KCNIP4: variants seen among roughly 807,000 people sequenced by gnomAD.
KCNIP4 encodes Kv channel-interacting protein 4.
KCNIP4 carries 12 observed loss-of-function variants against 34.0 expected under a neutral mutation model. That is an observed-to-expected ratio of 0.35 (90% confidence interval 0.23 to 0.57). The LOEUF is 0.57. Among genes scored for constraint, KCNIP4 ranks in the 20% least tolerant of loss-of-function variants. KCNIP4 has a pLI of 0.83. For synonymous variants in KCNIP4, 124 were observed against 102.2 expected, an observed-to-expected ratio of 1.21 and a Z score of -1.29; for missense variants, 238 against 311.7, an observed-to-expected ratio of 0.76 and a Z score of 1.78.
intron 1 of KCNIP4, among the ~76,000 whole-genome samples, chr4:20,981,080 G>A: frequency 6.6e-6 from 1 of 152,128 alleles, no homozygotes; most frequent in East Asian, 1.9e-4. Context: ...AAATAAACAG[G>A]CAGCAGGCCT....
Position 21,528,866 on chromosome 4 carries a change from AG to A in KCNIP4, c.61+419704del, listed in dbSNP as rs1560490747. Reference sequence around the variant, plus strand: ...AAGGAAGGAAGGAAGGAAGGAAGGAAGGAAGGGAAATTCAATTTTGGGGGTT... The same window carrying A: ...AAGGAAGGAAGGAAGGAAGGAAGGAAGAAGGGAAATTCAATTTTGGGGGTT... On this transcript the variant is annotated intron_variant, in intron 1 of 8. Coordinates refer to ENST00000382152, the MANE Select transcript of KCNIP4 (RefSeq NM_025221.6). Among the ~76,000 whole-genome samples the A allele has an allele frequency of 6.0e-5, 9 of 149,780 alleles. 1 individual carries two copies. Among genetic ancestry groups the A allele is most frequent in the African/African-American group, 9.8e-5 (4 of 40,630 alleles).
chr4:21,595,166 AG>A (rs1450790832), intron 1 of KCNIP4, among the ~76,000 whole-genome samples: 1 of 151,932 alleles, frequency 6.6e-6, no homozygotes, highest in East Asian at 1.9e-4. Flanking sequence ...GACAGGCCCC[AG>A]TGTGTGATGT....
chr4:21,903,880 T>C (rs1267598870), intron 1 of KCNIP4, among the ~76,000 whole-genome samples: 1 of 152,172 alleles, frequency 6.6e-6, no homozygotes, highest in African/African-American at 2.4e-5. Flanking sequence ...CTTCACAATA[T>C]ATTTCAAAGG....
At chr4:21,602,069 T>C (rs142727242) in intron 1 of KCNIP4, among the ~76,000 whole-genome samples, 5 of 152,284 alleles carry the variant, frequency 3.3e-5, no homozygotes, top group Non-Finnish European at 4.4e-5. Flanking sequence ...TTGTTGAATG[T>C]CTCAATGGCT....
chr4:21,718,975 A>C (rs1317639046), intron 1 of KCNIP4: 1 of 152,202 alleles, frequency 6.6e-6, no homozygotes, highest in African/African-American at 2.4e-5. Flanking sequence ...TGTGCACTGC[A>C]TTTGTCATTT....
At chr4:20,881,399 C>T (rs892016216) in intron 2 of KCNIP4, among the ~76,000 whole-genome samples, 2 of 152,066 alleles carry the variant, frequency 1.3e-5, no homozygotes, top group Admixed American at 1.3e-4. Flanking sequence ...GTAGGTGGAG[C>T]TGTGGGTTAT....
intron 1 of KCNIP4, among the ~76,000 whole-genome samples, chr4:20,898,574 T>C (rs1480314357): frequency 1.3e-5 from 2 of 152,204 alleles, no homozygotes; most frequent in African/African-American, 4.8e-5. Flanking sequence ...TAGTTAGATG[T>C]TTATTGCCTG....
intron 1 of KCNIP4, among the ~76,000 whole-genome samples, chr4:21,049,605 C>T (rs1257026232): frequency 6.6e-6 from 1 of 152,142 alleles, no homozygotes; most frequent in African/African-American, 2.4e-5. Context: ...ATTTTGAAGA[C>T]TGTCTTCTTT....
At chr4:21,344,434 G>A (rs1717082943) in intron 1 of KCNIP4, among the ~76,000 whole-genome samples, 1 of 152,130 alleles carries the variant, frequency 6.6e-6, no homozygotes, top group Non-Finnish European at 1.5e-5. Flanking sequence ...ATTTGCAATA[G>A]CCAAAGGTCT....
At chr4:21,633,944 T>C (rs1745934569) in intron 1 of KCNIP4, among the ~76,000 whole-genome samples, 1 of 152,060 alleles carries the variant, frequency 6.6e-6, no homozygotes, top group African/African-American at 2.4e-5. Flanking sequence ...CATTCTCATA[T>C]CTGCTTCTGG....
chr4:21,653,133 T>C (rs1407309002), intron 1 of KCNIP4, among the ~76,000 whole-genome samples: 1 of 152,188 alleles, frequency 6.6e-6, no homozygotes, highest in Admixed American at 6.5e-5. Flanking sequence ...AGTGTGTGTG[T>C]GTGCATGCAT....
chr4:20,765,231 C>T (rs1301464556), intron 3 of KCNIP4, among the ~76,000 whole-genome samples: 1 of 152,146 alleles, frequency 6.6e-6, no homozygotes, highest in Non-Finnish European at 1.5e-5. Flanking sequence ...ATAACTCTGA[C>T]TCCATGAATT....
intron 3 of KCNIP4, among the ~76,000 whole-genome samples, chr4:20,810,742 T>C (rs35147134): frequency 0.027 from 4,051 of 152,320 alleles, 91 homozygotes; most frequent in South Asian, 0.082. Flanking sequence ...ATGGATTGTC[T>C]TTTGTCACAG....
chr4:21,350,411 G>T (rs1482874978), intron 1 of KCNIP4, among the ~76,000 whole-genome samples: 2 of 152,150 alleles, frequency 1.3e-5, no homozygotes. Context: ...CAAGGAATAT[G>T]CAGGCTGCTA....
At chr4:21,179,862 TC>T (rs1754716358) in intron 1 of KCNIP4, among the ~76,000 whole-genome samples, 1 of 152,168 alleles carries the variant, frequency 6.6e-6, no homozygotes, top group African/African-American at 2.4e-5. Flanking sequence ...TAGCTATCTT[TC>T]TCCTTAAAGT....
intron 1 of KCNIP4, among the ~76,000 whole-genome samples, chr4:21,937,093 T>C (rs761792346): frequency 1.3e-5 from 2 of 152,138 alleles, no homozygotes; most frequent in Non-Finnish European, 2.9e-5. Context: ...TTCATCTCTC[T>C]ATTCCTAATA....
In KCNIP4 at chr4:21,142,412, T is replaced by A. The variant is rs532209446; in HGVS notation, c.62-259703A>T. Among the ~76,000 whole-genome samples, 64 of 152,286 alleles carry A rather than the reference T, an allele frequency of 4.2e-4. 1 individual carries two copies. Among genetic ancestry groups the A allele is most frequent in the African/African-American group, 1.5e-3 (61 of 41,558 alleles). On this transcript the variant is annotated intron_variant, in intron 1 of 8. Coordinates refer to ENST00000382152, the MANE Select transcript of KCNIP4 (RefSeq NM_025221.6). Reference sequence around the variant, plus strand: ...ACAAATAGGAGGGGTTAGTTACATCTACACATCCCAGAACTTTTATACTCC... The same window carrying A: ...ACAAATAGGAGGGGTTAGTTACATCAACACATCCCAGAACTTTTATACTCC...
chr4:21,598,730 T>C (rs1742853241), intron 1 of KCNIP4, among the ~76,000 whole-genome samples: 1 of 112,756 alleles, frequency 8.9e-6, no homozygotes, highest in Admixed American at 9.3e-5. Flanking sequence ...CTAAGAAAAG[T>C]AAATATTTGC....
At chr4:21,791,795 AG>A (rs1720298699) in intron 1 of KCNIP4, among the ~76,000 whole-genome samples, 1 of 151,956 alleles carries the variant, frequency 6.6e-6, no homozygotes, top group Admixed American at 6.6e-5. Flanking sequence ...TGAGGTCAGG[AG>A]TTTGAGACCA....
Sources: gnomAD v4.1 joint callset for allele counts (sites outside exome capture counted in the v4.1 genomes callset) on GRCh38, gnomAD v4.1.1 for gene constraint, MANE v1.5 for transcripts, NCBI Gene and HGNC (gene_info 2026-07-23, HGNC 2026-07-21) for gene names.